CNTNAP3: variants seen among roughly 807,000 people sequenced by gnomAD.
The protein encoded by CNTNAP3 is contactin-associated protein-like 3.
Under a neutral mutation model 92.1 loss-of-function variants are expected in CNTNAP3, and 36 were observed. The ratio of observed to expected loss-of-function variants is 0.39; its 90% CI spans 0.30 to 0.52. The LOEUF is 0.52. Ranked by LOEUF, CNTNAP3 falls within the 20% of genes least tolerant of loss-of-function variation. The pLI, the probability that CNTNAP3 is intolerant of heterozygous loss-of-function variation, is 0.76. For synonymous variants in CNTNAP3, 232 were observed against 422.3 expected, an observed-to-expected ratio of 0.55 and a Z score of 5.53; for missense variants, 534 against 1,069.6, an observed-to-expected ratio of 0.50 and a Z score of 6.98.
chr9:39,083,573 C>T (rs1449537716), intron 21 of CNTNAP3, among the ~76,000 whole-genome samples: 2 of 151,434 alleles, frequency 1.3e-5, no homozygotes, highest in Non-Finnish European at 2.9e-5. Flanking sequence ...GCAGGAGAAT[C>T]GTGTGAACCT....
chr9:39,108,817 G>A (rs548523791), intron 15 of CNTNAP3, among the ~76,000 whole-genome samples: 40 of 152,310 alleles, frequency 2.6e-4, no homozygotes, highest in Middle Eastern at 3.4e-3. Context: ...CACTATAGTT[G>A]TCTGAAGAGT....
In CNTNAP3 at chr9:39,168,022, G is replaced by GTT. The variant is rs796495690; in HGVS notation, c.1334-1948_1334-1947dup. On this transcript the variant is annotated intron_variant, in intron 8 of 23. Transcript: ENST00000297668. ...TTACCTTGAGTTTTTTTTTGTTTTTGTTTTTTTTTTTTGAGATGGAGTCTC... is the reference window on the plus strand; with the variant it reads ...TTACCTTGAGTTTTTTTTTGTTTTTGTTTTTTTTTTTTTTGAGATGGAGTCTC... Among the ~76,000 whole-genome samples the GTT allele has an allele frequency of 2.0e-3, 275 of 137,146 alleles. 2 individuals are homozygous for GTT. Among genetic ancestry groups the GTT allele is most frequent in the African/African-American group, 7.2e-3 (265 of 37,016 alleles). The allele number at this position is 137,146 out of a possible 152,430, so 90.0% of individuals were successfully genotyped here. A position where few individuals can be genotyped will look rare whatever the true frequency, so the allele number is the denominator to read the frequency against.
Position 39,067,629 on chromosome 9 carries a change from C to A in CNTNAP3, c.*6261G>T, listed in dbSNP as rs1033480103. On this transcript the variant is annotated 3_prime_UTR_variant, in exon 24 of 24. Coordinates refer to ENST00000297668, the MANE Select transcript of CNTNAP3 (RefSeq NM_033655.5). ...AGCAGGATGGTCTCCATCTCCCGAC[C>A]TCGTGATCTGCCTGCCTCGACCTCC... Among the ~76,000 whole-genome samples, 241 of 151,500 alleles carry A rather than the reference C, an allele frequency of 1.6e-3. No homozygotes were observed. The highest frequency in any genetic ancestry group is 5.6e-3 in the African/African-American group (230 of 40,724).
intron 10 of CNTNAP3, among the ~76,000 whole-genome samples, chr9:39,148,586 G>A (rs1821761085): frequency 6.6e-6 from 1 of 151,082 alleles, no homozygotes; most frequent in Admixed American, 6.6e-5. Flanking sequence ...GAGTGCAGTG[G>A]CACGATCTCA....
At chr9:39,102,813 G>A (rs986276632) in intron 16 of CNTNAP3, 98 bp from the exon 17 acceptor site, 19 of 1,245,760 alleles carry the variant, frequency 1.5e-5, no homozygotes, top group Non-Finnish European at 2.1e-5. Flanking sequence ...AGGATGGAAG[G>A]AGATAATGAC....
chr9:39,117,692 T>A (rs534900531), intron 14 of CNTNAP3, among the ~76,000 whole-genome samples: 1 of 152,302 alleles, frequency 6.6e-6, no homozygotes, highest in East Asian at 1.9e-4. Context: ...TGTGTTAATG[T>A]TAATTTCTAA....
chr9:39,112,189 TTTTA>T lies in CNTNAP3; in HGVS notation c.2238-2906_2238-2903del, dbSNP rs548617139. 8.2e-3 allele frequency among the ~76,000 whole-genome samples: 1,239 copies of T among 151,696 alleles called. 15 individuals carry two copies. Among genetic ancestry groups the T allele is most frequent in the African/African-American group, 0.028 (1,180 of 41,416 alleles). On this transcript the variant is annotated intron_variant, in intron 14 of 23. Transcript: ENST00000297668. ...CTTTTATTTTATATTTTATTAAAATTTTTATTTATTAGAAATTCCTACGGTTCTG... is the reference window on the plus strand; with the variant it reads ...CTTTTATTTTATATTTTATTAAAATTTTTATTAGAAATTCCTACGGTTCTG...
intron 14 of CNTNAP3, among the ~76,000 whole-genome samples, chr9:39,113,972 A>G (rs1016900740): frequency 1.4e-5 from 2 of 144,524 alleles, no homozygotes; most frequent in African/African-American, 5.1e-5. Context: ...CTCTCTATAT[A>G]TACACACACA....
Position 39,150,939 on chromosome 9 carries a change from T to C in CNTNAP3, c.1478-962A>G, listed in dbSNP as rs192209972. Among the ~76,000 whole-genome samples, 251 of 145,358 alleles carry C rather than the reference T, an allele frequency of 1.7e-3. 23 individuals are homozygous for C. Among genetic ancestry groups the C allele is most frequent in the Middle Eastern group, 0.011 (3 of 284 alleles). Reference sequence around the variant, plus strand: ...GTATTACTCCACACCAGTCCAAGCATATAGGAAAGTAGTGTCTTGAACTTA... The same window carrying C: ...GTATTACTCCACACCAGTCCAAGCACATAGGAAAGTAGTGTCTTGAACTTA... On this transcript the variant is annotated intron_variant, in intron 9 of 23. Transcript: ENST00000297668.
At chr9:39,105,243 T>C (rs60412481) in intron 15 of CNTNAP3, among the ~76,000 whole-genome samples, 23,632 of 152,072 alleles carry the variant, frequency 0.16, 3,502 homozygotes, top group African/African-American at 0.39. Context: ...CTGGCTAACA[T>C]GGTGAAACCC....
At chr9:39,149,085 G>A (rs575073881) in intron 10 of CNTNAP3, among the ~76,000 whole-genome samples, 2 of 152,024 alleles carry the variant, frequency 1.3e-5, no homozygotes, top group African/African-American at 4.8e-5. Flanking sequence ...CCATCTTTAT[G>A]ATTCAAACTT....
intron 18 of CNTNAP3, among the ~76,000 whole-genome samples, chr9:39,094,987 T>C (rs74409793): frequency 0.23 from 35,005 of 151,286 alleles, 4,359 homozygotes; most frequent in East Asian, 0.38. Context: ...TTTCCATCTA[T>C]TTAGTTCTTT....
chr9:39,217,400 A>ATATATATGTATATATATATT (rs1440827881), intron 3 of CNTNAP3, among the ~76,000 whole-genome samples: 1 of 19,904 alleles, frequency 5.0e-5, no homozygotes, highest in African/African-American at 8.2e-5. Flanking sequence ...ATATATATAT[A>ATATATATGTATATATATATT]TTCATTGTGG....
intron 12 of CNTNAP3, among the ~76,000 whole-genome samples, chr9:39,139,002 C>T (rs1000283176): frequency 2.6e-5 from 4 of 152,108 alleles, no homozygotes; most frequent in Non-Finnish European, 5.9e-5. Flanking sequence ...AGGTTATTAC[C>T]ATATATACAT....
At chr9:39,095,761 A>G (rs915222231) in intron 18 of CNTNAP3, among the ~76,000 whole-genome samples, 2 of 144,036 alleles carry the variant, frequency 1.4e-5, no homozygotes, top group African/African-American at 5.1e-5. Flanking sequence ...CTTGCATTAT[A>G]TATATCTTAT....
At chr9:39,094,866 AT>A (rs1379261996) in intron 18 of CNTNAP3, among the ~76,000 whole-genome samples, 1 of 151,416 alleles carries the variant, frequency 6.6e-6, no homozygotes, top group African/African-American at 2.4e-5. Context: ...GGGCTTTTTC[AT>A]TTGTATAAAA....
chr9:39,072,196 T>A lies in CNTNAP3; in HGVS notation c.*1694A>T, dbSNP rs906735623. Among the ~76,000 whole-genome samples the A allele has an allele frequency of 2.6e-5, 3 of 115,438 alleles. No individual in the cohort carries two copies. The highest frequency in any genetic ancestry group is 5.1e-5 in the Non-Finnish European group (3 of 59,266). 75.7% of individuals were successfully genotyped at this position (115,438 alleles called of 152,430 possible). A position where few individuals can be genotyped will look rare whatever the true frequency, so the allele number is the denominator to read the frequency against. On this transcript the variant is annotated 3_prime_UTR_variant, in exon 24 of 24. Coordinates refer to ENST00000297668, the MANE Select transcript of CNTNAP3 (RefSeq NM_033655.5). ...GAAGAGATCATTTGTTAAGAGCGGA[T>A]TTAAGACAGAGAGTGTATTCATTCT...
rs374494091 is a variant in CNTNAP3, at chr9:39,109,135, A to T, written c.2365+25T>A. The stretch of plus-strand genomic sequence containing the variant: ...AACCAAAAAAAGTTATTATGAAAAT[A>T]AAGCTTTTTCTTGACACTACTTACG... On this transcript the variant is annotated intron_variant, in intron 15 of 23. Transcript: ENST00000297668. 3.1e-4 allele frequency: 496 copies of T among 1,598,050 alleles called. 4 individuals carry two copies. In the African/African-American group the frequency reaches 6.0e-3, roughly 19 times the overall value.
intron 13 of CNTNAP3, among the ~76,000 whole-genome samples, chr9:39,123,239 C>T (rs1483916622): frequency 1.3e-4 from 19 of 151,818 alleles, no homozygotes; most frequent in South Asian, 4.2e-4. Flanking sequence ...GGACTACAGG[C>T]GCCCGCCACC....
Sources: allele counts gnomAD v4.1 joint callset (sites outside exome capture counted in the v4.1 genomes callset), GRCh38; gene constraint gnomAD v4.1.1; transcripts MANE v1.5; gene names NCBI Gene and HGNC (gene_info 2026-07-23, HGNC 2026-07-21).